Variants in ZFHX3 observed in about 807,000 individuals in gnomAD.
The protein encoded by ZFHX3 is zinc finger homeobox 3, also known as zinc finger homeobox protein 3.
A neutral mutation model predicts 279.1 loss-of-function variants in ZFHX3; 42 were observed. That is an observed-to-expected ratio of 0.15 (90% CI 0.12 to 0.19). The LOEUF is 0.19. ZFHX3 is among the 10% of genes least tolerant of loss of function. ZFHX3 has a pLI of 1.00. For synonymous variants in ZFHX3, 2,293 were observed against 1,957.8 expected (o/e 1.17, Z -4.52); for missense variants, 4,981 against 4,754.0 (o/e 1.05, Z -1.40).
chr16:73,277,447 G>T (rs1170996158), intron 4 of ZFHX3, among the ~76,000 whole-genome samples: 1 of 152,094 alleles, frequency 6.6e-6, no homozygotes, highest in African/African-American at 2.4e-5. Flanking sequence ...CTGGGTAGAT[G>T]AAATCTTTAT....
At chr16:73,702,928 C>A (rs1482509177) in intron 1 of ZFHX3, among the ~76,000 whole-genome samples, 2 of 152,066 alleles carry the variant, frequency 1.3e-5, no homozygotes, top group Admixed American at 1.3e-4. Flanking sequence ...CTCATAACTA[C>A]CTAATGGTGT....
intron 5 of ZFHX3, among the ~76,000 whole-genome samples, chr16:73,241,936 G>A (rs986896784): frequency 4.6e-5 from 7 of 151,730 alleles, no homozygotes; most frequent in African/African-American, 1.7e-4. Flanking sequence ...TGACCCCTTT[G>A]AGAACTGCTC....
intron 7 of ZFHX3, among the ~76,000 whole-genome samples, chr16:73,103,454 T>C (rs1375469842): frequency 2.0e-5 from 3 of 152,184 alleles, no homozygotes; most frequent in African/African-American, 7.2e-5. Context: ...TCTCCTCCCA[T>C]TGGTGGCCCA....
chr16:72,993,923 A>T (rs1597066848), intron 1 of ZFHX3, among the ~76,000 whole-genome samples: 1 of 152,106 alleles, frequency 6.6e-6, no homozygotes, highest in Non-Finnish European at 1.5e-5. Flanking sequence ...AGTTATAAAA[A>T]CCAGGGTAGC....
rs1371026192 is a variant in ZFHX3 at position 73,631,926 on chromosome 16, C to T, written c.-1547+48254G>A. On this transcript the variant is annotated intron_variant, in intron 2 of 17. Coordinates refer to the ZFHX3 transcript ENST00000641206. ...TCTCTCTCTCTCTCTCTCTCTCTCT[C>T]TCACACACACACACACACACACACA... is the stretch of plus-strand genomic sequence containing the variant. 1.6e-4 allele frequency among the ~76,000 whole-genome samples: 12 copies of T among 76,448 alleles called. No individual in the cohort carries two copies. In the East Asian group the frequency reaches 7.7e-3, roughly 49 times the overall value. The allele number at this position is 76,448 out of a possible 152,430, so 50.2% of individuals were successfully genotyped here.
chr16:73,671,347 G>A (rs1190429855), intron 2 of ZFHX3, among the ~76,000 whole-genome samples: 2 of 152,192 alleles, frequency 1.3e-5, no homozygotes, highest in African/African-American at 4.8e-5. Flanking sequence ...GCCAGCATCA[G>A]TGGCCTTCGA....
intron 6 of ZFHX3, among the ~76,000 whole-genome samples, chr16:73,135,216 A>G (rs945742423): frequency 6.6e-6 from 1 of 152,214 alleles, no homozygotes; most frequent in Non-Finnish European, 1.5e-5. Context: ...CCCTCTGTGA[A>G]TACTTTCTAT....
At chr16:73,652,557 C>A (rs1365952366) in intron 2 of ZFHX3, among the ~76,000 whole-genome samples, 1 of 152,112 alleles carries the variant, frequency 6.6e-6, no homozygotes, top group Non-Finnish European at 1.5e-5. Flanking sequence ...AATATGTGGA[C>A]TCATTCAAAT....
At chr16:73,151,857 G>T (rs1966950039) in intron 5 of ZFHX3, among the ~76,000 whole-genome samples, 2 of 142,906 alleles carry the variant, frequency 1.4e-5, no homozygotes, top group South Asian at 4.6e-4. Flanking sequence ...CATTATATCA[G>T]TTAAAAGAAG....
chr16:73,722,820 G>A (rs2053486653), intron 1 of ZFHX3, among the ~76,000 whole-genome samples: 3 of 152,126 alleles, frequency 2.0e-5, no homozygotes, highest in Admixed American at 2.0e-4. Context: ...ATAATTTTTA[G>A]TATCTCTTTA....
intron 3 of ZFHX3, among the ~76,000 whole-genome samples, chr16:73,441,595 C>T (rs1051183865): frequency 6.6e-6 from 1 of 152,024 alleles, no homozygotes; most frequent in African/African-American, 2.4e-5. Flanking sequence ...CCAGGGGTAA[C>T]GACGCATACC....
At chr16:72,823,030 A>T (rs2036838409) in intron 5 of ZFHX3, among the ~76,000 whole-genome samples, 1 of 152,234 alleles carries the variant, frequency 6.6e-6, no homozygotes, top group South Asian at 2.1e-4. Flanking sequence ...ATTGTGAGAC[A>T]GAATTCCGCC....
chr16:73,849,948 G>A (rs1051902657), intron 1 of ZFHX3, among the ~76,000 whole-genome samples: 6 of 152,238 alleles, frequency 3.9e-5, no homozygotes, highest in South Asian at 2.1e-4. Context: ...GGTCAGGCTC[G>A]TCTCAAATTC....
At chr16:73,043,311 G>C (rs1965181136) in intron 1 of ZFHX3, among the ~76,000 whole-genome samples, 1 of 152,144 alleles carries the variant, frequency 6.6e-6, no homozygotes. Context: ...CAGGGAGAGG[G>C]GGTCACCCAA....
At chr16:73,040,197 G>A (rs1023873876) in intron 1 of ZFHX3, among the ~76,000 whole-genome samples, 1 of 152,086 alleles carries the variant, frequency 6.6e-6, no homozygotes, top group African/African-American at 2.4e-5. Context: ...GCTAGGCCTG[G>A]GTGCCTGTGA....
intron 1 of ZFHX3, among the ~76,000 whole-genome samples, chr16:72,974,277 T>C (rs879366045): frequency 6.6e-6 from 1 of 152,176 alleles, no homozygotes; most frequent in Non-Finnish European, 1.5e-5. Flanking sequence ...GGAAACACCA[T>C]TCAACGTTGC....
At chr16:73,239,289 T>C (rs955416355) in intron 5 of ZFHX3, among the ~76,000 whole-genome samples, 2 of 152,216 alleles carry the variant, frequency 1.3e-5, no homozygotes, top group Non-Finnish European at 2.9e-5. Context: ...TTTTGACTTC[T>C]TTCAGGCGAG....
intron 4 of ZFHX3, among the ~76,000 whole-genome samples, chr16:72,858,112 T>C (rs868096148): frequency 1.3e-5 from 2 of 152,202 alleles, no homozygotes; most frequent in Admixed American, 6.6e-5. Flanking sequence ...TTGCTTCCCT[T>C]GGTGCCCCCA....
chr16:73,407,638 G>A (rs1340592540), intron 3 of ZFHX3, among the ~76,000 whole-genome samples: 1 of 152,128 alleles, frequency 6.6e-6, no homozygotes, highest in Non-Finnish European at 1.5e-5. Flanking sequence ...GTTAGAACCA[G>A]GAGATCACAC....
Sources: gnomAD v4.1 joint callset for allele counts (sites outside exome capture counted in the v4.1 genomes callset) on GRCh38, gnomAD v4.1.1 for gene constraint, MANE v1.5 for transcripts, NCBI Gene and HGNC (gene_info 2026-07-23, HGNC 2026-07-21) for gene names.